The following HS3ST4 variants were observed in gnomAD, a reference collection of about 807,000 sequenced individuals.
The protein encoded by HS3ST4 is heparan sulfate-glucosamine 3-sulfotransferase 4.
HS3ST4 carries 17 observed loss-of-function variants against 29.2 expected under a neutral mutation model. The observed-to-expected ratio is 0.58, with a 90% CI of 0.40 to 0.87. The LOEUF is 0.87. Ranked by LOEUF, HS3ST4 falls within the 40% of genes least tolerant of loss-of-function variation. HS3ST4 has a pLI of 0.00. For missense variants in HS3ST4, 627 were observed against 634.5 expected (o/e 0.99, Z 0.13); for synonymous variants, 314 against 285.7 (o/e 1.10, Z -1.00).
At chr16:25,953,126 T>C (rs561572817) in intron 1 of HS3ST4, among the ~76,000 whole-genome samples, 41 of 152,322 alleles carry the variant, frequency 2.7e-4, no homozygotes, top group African/African-American at 9.9e-4. Context: ...CACAGTTTGA[T>C]GTAGCTGAGC....
intron 1 of HS3ST4, among the ~76,000 whole-genome samples, chr16:26,056,572 T>C (rs1027470279): frequency 6.6e-6 from 1 of 152,188 alleles, no homozygotes; most frequent in Non-Finnish European, 1.5e-5. Flanking sequence ...TTCCCTCTAG[T>C]GTGAGGTGGA....
chr16:25,797,166 G>A (rs183293177), intron 1 of HS3ST4, among the ~76,000 whole-genome samples: 1 of 152,294 alleles, frequency 6.6e-6, no homozygotes, highest in Admixed American at 6.5e-5. Flanking sequence ...AAATGCCATT[G>A]TTTCGAATTT....
intron 1 of HS3ST4, among the ~76,000 whole-genome samples, chr16:25,812,574 A>G (rs1967051550): frequency 6.6e-6 from 1 of 152,228 alleles, no homozygotes; most frequent in Non-Finnish European, 1.5e-5. Context: ...TGCTTTAAAA[A>G]TATATTAGTA....
At chr16:25,924,901 G>A (rs529218679) in intron 1 of HS3ST4, among the ~76,000 whole-genome samples, 21 of 152,180 alleles carry the variant, frequency 1.4e-4, no homozygotes, top group African/African-American at 5.1e-4. Flanking sequence ...TGTGATTTGG[G>A]CTAGCCACTC....
At chr16:25,946,335 A>G (rs1968625981) in intron 1 of HS3ST4, among the ~76,000 whole-genome samples, 1 of 152,226 alleles carries the variant, frequency 6.6e-6, no homozygotes, top group South Asian at 2.1e-4. Flanking sequence ...TTGATAATGC[A>G]TTCGCACCAC....
intron 1 of HS3ST4, among the ~76,000 whole-genome samples, chr16:25,911,010 A>G (rs1968233250): frequency 6.6e-6 from 1 of 152,196 alleles, no homozygotes; most frequent in Non-Finnish European, 1.5e-5. Context: ...AATTGTAAGT[A>G]ACTTAATGTC....
intron 1 of HS3ST4, among the ~76,000 whole-genome samples, chr16:25,730,016 C>G (rs980833714): frequency 6.6e-6 from 1 of 152,188 alleles, no homozygotes. Context: ...CTGTTTAAAT[C>G]TCTTCCAGGT....
At chr16:25,899,991 A>C (rs1968106706) in intron 1 of HS3ST4, among the ~76,000 whole-genome samples, 1 of 152,220 alleles carries the variant, frequency 6.6e-6, no homozygotes, top group Non-Finnish European at 1.5e-5. Context: ...GCAACTTTCA[A>C]ATTCCTGGTT....
chr16:25,889,594 G>A (rs1457833941), intron 1 of HS3ST4, among the ~76,000 whole-genome samples: 1 of 152,166 alleles, frequency 6.6e-6, no homozygotes, highest in African/African-American at 2.4e-5. Flanking sequence ...AGATTTCAGG[G>A]TGGTTTTTCT....
chr16:25,737,472 A>G (rs888821408), intron 1 of HS3ST4, among the ~76,000 whole-genome samples: 2 of 152,220 alleles, frequency 1.3e-5, no homozygotes, highest in Admixed American at 1.3e-4. Context: ...CCATGATTTT[A>G]AGTGAAACAT....
chr16:25,984,810 A>G (rs1287853629), intron 1 of HS3ST4, among the ~76,000 whole-genome samples: 2 of 152,144 alleles, frequency 1.3e-5, no homozygotes, highest in African/African-American at 2.4e-5. Flanking sequence ...CCATTCATCT[A>G]TTCTCTTATC....
intron 1 of HS3ST4, among the ~76,000 whole-genome samples, chr16:25,914,531 ATATGTGTG>A (rs1968273059): frequency 6.8e-6 from 1 of 147,980 alleles, no homozygotes; most frequent in Non-Finnish European, 1.5e-5. Flanking sequence ...GTGTGCATGT[ATATGTGTG>A]TATGTGTGTG....
At chr16:25,710,149 AAAAT>A (rs143239544) in intron 1 of HS3ST4, among the ~76,000 whole-genome samples, 6,933 of 152,238 alleles carry the variant, frequency 0.046, 496 homozygotes, top group African/African-American at 0.16. Context: ...ACGTTTTAGG[AAAAT>A]AAATCAGTGT....
In HS3ST4 at chr16:25,837,410, G is replaced by A. The variant is rs1384200511; in HGVS notation, c.734+144259G>A. ...AAAAAATGATGAGGATTATTTTCCA[G>A]AAATTTTCCAGGAACTCTTAAGGAA... On this transcript the variant is annotated intron_variant, in intron 1 of 1. Coordinates refer to ENST00000331351, the MANE Select transcript of HS3ST4 (RefSeq NM_006040.3). Among the ~76,000 whole-genome samples, 6 of 152,318 alleles carry A rather than the reference G, an allele frequency of 3.9e-5. No homozygotes were observed. The East Asian group carries it at 9.6e-4, about 24-fold the overall frequency.
chr16:25,824,476 T>C (rs1045482778), intron 1 of HS3ST4, among the ~76,000 whole-genome samples: 1 of 152,206 alleles, frequency 6.6e-6, no homozygotes, highest in Non-Finnish European at 1.5e-5. Flanking sequence ...AGAAAAGTCA[T>C]GTCTTACATG....
chr16:25,920,727 G>A (rs1402161248), intron 1 of HS3ST4, among the ~76,000 whole-genome samples: 4 of 150,832 alleles, frequency 2.7e-5, no homozygotes, highest in East Asian at 2.0e-4. Flanking sequence ...CTCAGCCTCC[G>A]AGTAGCTGGG....
chr16:26,086,194 C>T (rs538693867), intron 1 of HS3ST4, among the ~76,000 whole-genome samples: 1 of 152,186 alleles, frequency 6.6e-6, no homozygotes, highest in Admixed American at 6.5e-5. Flanking sequence ...TGATCACTCG[C>T]CCTCTAGCCC....
intron 1 of HS3ST4, among the ~76,000 whole-genome samples, chr16:25,946,833 A>C (rs1968630484): frequency 1.3e-5 from 2 of 152,092 alleles, no homozygotes; most frequent in Admixed American, 6.6e-5. Flanking sequence ...GAAAAAAAAC[A>C]CTTCTAGCAG....
intron 1 of HS3ST4, among the ~76,000 whole-genome samples, chr16:26,112,927 C>T (rs1311737567): frequency 1.3e-5 from 2 of 152,108 alleles, no homozygotes; most frequent in African/African-American, 2.4e-5. Flanking sequence ...TTAAGGTGAG[C>T]GTTTCCATTG....
Sources: gnomAD v4.1 joint callset for allele counts (sites outside exome capture counted in the v4.1 genomes callset) on GRCh38, gnomAD v4.1.1 for gene constraint, MANE v1.5 for transcripts, NCBI Gene and HGNC (gene_info 2026-07-23, HGNC 2026-07-21) for gene names.